NBEAL1: variants seen among roughly 807,000 people sequenced by gnomAD.
The protein encoded by NBEAL1 is neurobeachin-like protein 1.
A neutral mutation model predicts 351.3 loss-of-function variants in NBEAL1; 273 were observed. The ratio of observed to expected loss-of-function variants is 0.78; its 90% confidence interval spans 0.70 to 0.86. NBEAL1 has a LOEUF of 0.86. NBEAL1 is among the 40% of genes least tolerant of loss of function. The pLI, the probability that NBEAL1 is intolerant of heterozygous loss-of-function variation, is 0.00. For synonymous variants in NBEAL1, 1,050 were observed against 1,086.4 expected, an observed-to-expected ratio of 0.97 and a Z score of 0.66; for missense variants, 2,961 against 3,201.3, an observed-to-expected ratio of 0.92 and a Z score of 1.81.
chr2:203,125,500 G>A lies in NBEAL1; in HGVS notation c.2831G>A (p.Trp944Ter). ...VTPVEGDWLV[W>*]TSTKASESRL... Reference sequence around the variant, plus strand: ...CCTGTTGAAGGAGATTGGCTCGTATGGACTTCCACAAAGGCCTCAGGTATT... The same window carrying A: ...CCTGTTGAAGGAGATTGGCTCGTATAGACTTCCACAAAGGCCTCAGGTATT... The change falls in exon 20 of 56, where the codon TGG becomes TAG. Residue 944 changes from tryptophan to a stop codon, truncating the protein, a stop_gained. Coordinates refer to ENST00000683969, the MANE Select transcript of NBEAL1 (RefSeq NM_001378026.1). LOFTEE classifies it high-confidence loss of function. 2 of 1,511,976 alleles carry A rather than the reference G, an allele frequency of 1.3e-6. No individual in the cohort carries two copies. Among genetic ancestry groups the A allele is most frequent in the Non-Finnish European group, 1.8e-6 (2 of 1,131,398 alleles). The allele number at this position is 1,511,976 out of a possible 1,614,324, so 93.7% of individuals were successfully genotyped here.
intron 7 of NBEAL1, among the ~76,000 whole-genome samples, chr2:203,076,280 T>A (rs2061769712): frequency 6.6e-6 from 1 of 151,814 alleles, no homozygotes; most frequent in Non-Finnish European, 1.5e-5. Context: ...CCCAGGAGTT[T>A]GAGACCAGCC....
At chr2:203,139,816 C>A (rs1460728432) in intron 31 of NBEAL1, among the ~76,000 whole-genome samples, 1 of 151,826 alleles carries the variant, frequency 6.6e-6, no homozygotes, top group African/African-American at 2.4e-5. Flanking sequence ...ATCTGCCCAC[C>A]TCAGCCTTCC....
At chr2:203,138,041 C>A in intron 29 of NBEAL1, 121 bp from the exon 30 acceptor site, 2 of 883,172 alleles carry the variant, frequency 2.3e-6, no homozygotes, top group Non-Finnish European at 1.7e-6. Flanking sequence ...GGGATACCTG[C>A]TAGAGATAGT....
chr2:203,117,454 C>T (rs2062726431), intron 18 of NBEAL1, among the ~76,000 whole-genome samples: 1 of 22,974 alleles, frequency 4.4e-5, no homozygotes, highest in African/African-American at 6.5e-5. Context: ...CAGAGCGAGA[C>T]TCCATTCAAA....
At chr2:203,024,196 A>G (rs2060816275) in intron 2 of NBEAL1, among the ~76,000 whole-genome samples, 1 of 150,476 alleles carries the variant, frequency 6.6e-6, no homozygotes, top group Non-Finnish European at 1.5e-5. Flanking sequence ...ACTCTTTCTC[A>G]CACAAAAAAA....
rs143404761 is a variant in NBEAL1 at position 203,152,586 on chromosome 2, G to A, written c.5587+997G>A. On this transcript the variant is annotated intron_variant, in intron 35 of 55. Transcript: ENST00000683969. ...GCCTGGGCAACAAGAGCAAAACTCT[G>A]TCTCAAAACAAACAAAAATTTTGCC... Among the ~76,000 whole-genome samples, 6 of 150,946 alleles carry A rather than the reference G, an allele frequency of 4.0e-5. No homozygotes were observed. In the East Asian group the frequency reaches 1.2e-3, roughly 30 times the overall value.
At chr2:203,174,957 A>G (rs1410727638) in intron 41 of NBEAL1, among the ~76,000 whole-genome samples, 190 bp from the exon 42 acceptor site, 1 of 152,080 alleles carries the variant, frequency 6.6e-6, no homozygotes, top group African/African-American at 2.4e-5. Flanking sequence ...TTCAGAAAAA[A>G]GTATTAAGCA....
Position 203,135,702 on chromosome 2 carries a change from C to T in NBEAL1, c.3839C>T (p.Pro1280Leu), listed in dbSNP as rs1016302692. The change falls in exon 28 of 56, where the codon CCA becomes CTA. Residue 1280 changes from proline to leucine, a missense_variant. Pro to Leu is a moderately conservative substitution (Grantham distance 98). Transcript: ENST00000683969. ...RKVLQILQFQ[P>L]DAAHQISQQV... Reference sequence around the variant, plus strand: ...GTTTTGCAAATTTTGCAGTTCCAGCCAGATGCAGCACATCAAATATCACAG... The same window carrying T: ...GTTTTGCAAATTTTGCAGTTCCAGCTAGATGCAGCACATCAAATATCACAG... 6.5e-7 allele frequency: 1 copy of T among 1,528,560 alleles called. No individual in the cohort carries two copies. Among genetic ancestry groups the T allele is most frequent in the Non-Finnish European group, 8.8e-7 (1 of 1,135,846 alleles). 94.7% of individuals were successfully genotyped at this position (1,528,560 alleles called of 1,614,324 possible).
rs148035358 is a variant in NBEAL1 at position 203,037,218 on chromosome 2, G to C, written c.52-4547G>C. ...GGAACATTCTTTTAGATTTTGATTT[G>C]TAGTGTAATGCTTTTATTTCGGGGA... On this transcript the variant is annotated intron_variant, in intron 2 of 55. Transcript: ENST00000683969. Among the ~76,000 whole-genome samples the C allele has an allele frequency of 1.7e-3, 260 of 149,362 alleles. 27 individuals are homozygous for C. The highest frequency in any genetic ancestry group is 1.4e-3 in the Non-Finnish European group (91 of 66,544).
At chr2:203,125,550 C>CA in intron 20 of NBEAL1, 30 bp downstream of exon 20, 1 of 1,354,814 alleles carries the variant, frequency 7.4e-7, no homozygotes, top group Non-Finnish European at 9.5e-7. Context: ...ACAAAATAGT[C>CA]ATTGAGAAAT....
At position 203,167,307 on chromosome 2, in the gene NBEAL1, C is replaced by T. The variant is rs267599164; in HGVS notation, c.5944C>T (p.Leu1982Phe). The part of the protein sequence containing the change: ...LRRYNLRRSA[L>F]EIFHVDQSNY... ...GCGTTACAATTTAAGAAGATCAGCC[C>T]TTGAGATTTTTCATGTTGACCAATC... The change falls in exon 38 of 56, where the codon CTT becomes TTT. Residue 1982 changes from leucine to phenylalanine, a missense_variant. Leu to Phe is a conservative substitution (Grantham distance 22). Transcript: ENST00000683969. 5 of 1,612,878 alleles carry T rather than the reference C, an allele frequency of 3.1e-6. No homozygotes were observed. The South Asian group carries it at 4.4e-5, about 14-fold the overall frequency.
chr2:203,224,264 T>C lies in NBEAL1; in HGVS notation c.*6910T>C, dbSNP rs1435536725. Reference sequence around the variant, plus strand: ...TGTGGCAAACTGCTTATTTTATAAGTAGCTTTATATAAGAAAACTTCTTAG... The same window carrying C: ...TGTGGCAAACTGCTTATTTTATAAGCAGCTTTATATAAGAAAACTTCTTAG... On this transcript the variant is annotated 3_prime_UTR_variant, in exon 56 of 56. Transcript: ENST00000683969. Among the ~76,000 whole-genome samples the C allele has an allele frequency of 6.6e-6, 1 of 152,102 alleles. No homozygotes were observed. Among genetic ancestry groups the C allele is most frequent in the East Asian group, 1.9e-4 (1 of 5,204 alleles).
chr2:203,110,317 A>ATGGTTAATG, intron 15 of NBEAL1, 35 bp downstream of exon 15: 2 of 1,519,304 alleles, frequency 1.3e-6, no homozygotes, highest in Non-Finnish European at 1.8e-6. Context: ...AACTTCTAGT[A>ATGGTTAATG]TGGTTAATGG....
rs140429686 is a variant in NBEAL1, at chr2:203,135,419, A to C, written c.3814-258A>C. Reference sequence around the variant, plus strand: ...CATATACCATCATCCTATTCATTTTAATTTTTCTTTTTTATCTTCCAGCAG... The same window carrying C: ...CATATACCATCATCCTATTCATTTTCATTTTTCTTTTTTATCTTCCAGCAG... On this transcript the variant is annotated intron_variant, in intron 27 of 55. Coordinates refer to ENST00000683969, the MANE Select transcript of NBEAL1 (RefSeq NM_001378026.1). Among the ~76,000 whole-genome samples, 521 of 152,204 alleles carry C rather than the reference A, an allele frequency of 3.4e-3. 3 individuals are homozygous for C. Among genetic ancestry groups the C allele is most frequent in the African/African-American group, 0.012 (490 of 41,552 alleles).
At chr2:203,217,084 A>G (rs2065905136) in intron 55 of NBEAL1, among the ~76,000 whole-genome samples, 169 bp from the exon 56 acceptor site, 1 of 152,198 alleles carries the variant, frequency 6.6e-6, no homozygotes, top group Non-Finnish European at 1.5e-5. Context: ...GATTACAGGC[A>G]TGAGTCACCA....
intron 17 of NBEAL1, 67 bp downstream of exon 17, chr2:203,113,385 A>C: frequency 2.3e-5 from 19 of 820,092 alleles, no homozygotes; most frequent in Non-Finnish European, 3.0e-5. Context: ...ATATATTCTG[A>C]AGAATATATT....
intron 2 of NBEAL1, chr2:203,040,799 C>G: frequency 1.9e-6 from 1 of 526,074 alleles, no homozygotes; most frequent in South Asian, 1.6e-5. Context: ...TCACTGCAAC[C>G]TCCACTATAT....
rs529598399 is a variant in NBEAL1 at position 203,041,238 on chromosome 2, C to G, written c.52-527C>G. Among the ~76,000 whole-genome samples, 6 of 152,292 alleles carry G rather than the reference C, an allele frequency of 3.9e-5. No individual in the cohort carries two copies. In the East Asian group the frequency reaches 1.2e-3, roughly 29 times the overall value. On this transcript the variant is annotated intron_variant, in intron 2 of 55. Transcript: ENST00000683969. ...ACAAGGTTCCCTAAGACTCCCACAGCAATGGACCAAGCCCAGGGACATAAT... is the reference window on the plus strand; with the variant it reads ...ACAAGGTTCCCTAAGACTCCCACAGGAATGGACCAAGCCCAGGGACATAAT...
intron 2 of NBEAL1, among the ~76,000 whole-genome samples, chr2:203,039,216 T>C (rs13392775): frequency 8.5e-4 from 24 of 28,228 alleles, no homozygotes; most frequent in African/African-American, 1.7e-3. Context: ...TTTCCTTTCC[T>C]TTCCCTTCCC....
Sources: allele counts gnomAD v4.1 joint callset (sites outside exome capture counted in the v4.1 genomes callset), GRCh38; gene constraint gnomAD v4.1.1; transcripts MANE v1.5; gene names NCBI Gene and HGNC (gene_info 2026-07-23, HGNC 2026-07-21).